Variants in CPT1A observed in about 807,000 individuals in gnomAD.
CPT1A encodes carnitine O-palmitoyltransferase 1, liver isoform.
CPT1A carries 64 observed loss-of-function variants against 100.8 expected under a neutral mutation model. That is an observed-to-expected ratio of 0.63 (90% CI 0.52 to 0.78). The LOEUF is 0.78. Ranked by LOEUF, CPT1A falls within the 30% of genes least tolerant of loss-of-function variation. The pLI is 0.00. For missense variants in CPT1A, 802 were observed against 1,034.1 expected, an observed-to-expected ratio of 0.78 and a Z score of 3.08; for synonymous variants, 363 against 396.0, an observed-to-expected ratio of 0.92 and a Z score of 0.99.
At chr11:68,821,702 A>C (rs765998755) in intron 1 of CPT1A, among the ~76,000 whole-genome samples, 2 of 152,126 alleles carry the variant, frequency 1.3e-5, no homozygotes, top group Non-Finnish European at 2.9e-5. Context: ...TTTTGTTATT[A>C]TTTAGGTTTT....
chr11:68,792,606 T>C (rs1855647832), intron 9 of CPT1A, among the ~76,000 whole-genome samples: 1 of 152,186 alleles, frequency 6.6e-6, no homozygotes, highest in African/African-American at 2.4e-5. Flanking sequence ...GTTTGGACGG[T>C]GGCTTACGTG....
chr11:68,774,482 G>A (rs1183151486), intron 13 of CPT1A, among the ~76,000 whole-genome samples: 1 of 151,560 alleles, frequency 6.6e-6, no homozygotes, highest in Non-Finnish European at 1.5e-5. Flanking sequence ...TCCCTCTGTT[G>A]CCCAGGCTGG....
chr11:68,776,626 C>T (rs1855147930), intron 12 of CPT1A, among the ~76,000 whole-genome samples: 1 of 152,134 alleles, frequency 6.6e-6, no homozygotes, highest in South Asian at 2.1e-4. Context: ...CGACTGTAAT[C>T]CTAGCACTTT....
intron 14 of CPT1A, among the ~76,000 whole-genome samples, chr11:68,764,973 C>G (rs10160686): frequency 0.028 from 4,309 of 152,246 alleles, 191 homozygotes; most frequent in African/African-American, 0.095. Context: ...GCCACCAACC[C>G]TGGTGGCATG....
At chr11:68,834,925 G>A (rs1364791728) in intron 1 of CPT1A, among the ~76,000 whole-genome samples, 1 of 151,872 alleles carries the variant, frequency 6.6e-6, no homozygotes, top group Non-Finnish European at 1.5e-5. Context: ...CTTGAACTGG[G>A]GAGGCGGAGG....
intron 1 of CPT1A, among the ~76,000 whole-genome samples, chr11:68,833,871 T>G (rs1347924086): frequency 2.0e-5 from 3 of 152,218 alleles, no homozygotes; most frequent in Non-Finnish European, 4.4e-5. Flanking sequence ...TTATTTTTTT[T>G]TTATAAGACA....
At chr11:68,843,789 T>C (rs535806195), upstream of CPT1A, among the ~76,000 whole-genome samples, 6 of 152,374 alleles carry the variant, frequency 3.9e-5, no homozygotes, top group South Asian at 1.2e-3. This position sits in a 1 kb window ranked among gnomAD's most constrained non-coding sequence, Gnocchi z 4.0. Flanking sequence ...CACACGTTCC[T>C]GACGCGCGGC....
Position 68,835,261 on chromosome 11 carries a change from C to A in CPT1A, c.-14+6514G>T, listed in dbSNP as rs78094385. On this transcript the variant is annotated intron_variant, in intron 1 of 18. Transcript: ENST00000265641. ...CCTGCCTCTAGCCAGCATCGGCACTCGGGCAGGAGCTCAGACTGCAAGGAG... is the reference window on the plus strand; with the variant it reads ...CCTGCCTCTAGCCAGCATCGGCACTAGGGCAGGAGCTCAGACTGCAAGGAG... Among the ~76,000 whole-genome samples the A allele has an allele frequency of 2.2e-3, 337 of 152,290 alleles. 1 individual carries two copies. The highest frequency in any genetic ancestry group is 7.8e-3 in the African/African-American group (325 of 41,578).
chr11:68,799,132 A>G lies in CPT1A; in HGVS notation c.693+86T>C, dbSNP rs182391201. ...GTGATTTTGGCTAATCCAAACTGTC[A>G]TTTCAGCCCTGTTATCCCTGCCCCT... On this transcript the variant is annotated intron_variant, in intron 6 of 18. Coordinates refer to ENST00000265641, the MANE Select transcript of CPT1A (RefSeq NM_001876.4). 5.3e-4 allele frequency: 693 copies of G among 1,297,912 alleles called. 3 individuals are homozygous for G. The Admixed American group carries it at 6.2e-3, about 12-fold the overall frequency. The allele number at this position is 1,297,912 out of a possible 1,614,324, so 80.4% of individuals were successfully genotyped here.
intron 2 of CPT1A, among the ~76,000 whole-genome samples, chr11:68,813,909 C>A (rs1382782005): frequency 6.6e-6 from 1 of 152,150 alleles, no homozygotes; most frequent in Non-Finnish European, 1.5e-5. Flanking sequence ...ACAGGCTGAG[C>A]CCCAGGGACA....
At chr11:68,759,442 T>G in intron 18 of CPT1A, 127 bp downstream of exon 18, 1 of 722,958 alleles carries the variant, frequency 1.4e-6, no homozygotes, top group East Asian at 2.7e-5. Context: ...TATGTGAAAA[T>G]TCCCGAAATC....
chr11:68,757,190 TG>T lies in CPT1A; in HGVS notation c.*453del. 3.5e-6 allele frequency: 2 copies of T among 577,234 alleles called. No homozygotes were observed. The highest frequency in any genetic ancestry group is 4.6e-6 in the Non-Finnish European group (2 of 435,072). The allele number at this position is 577,234 out of a possible 1,614,324, so 35.8% of individuals were successfully genotyped here. ...GCATTCCAGATGTGTTAGCTACAAC[TG>T]GGGACACCAACTTGAATAACACATT... On this transcript the variant is annotated 3_prime_UTR_variant, in exon 19 of 19. Coordinates refer to ENST00000265641, the MANE Select transcript of CPT1A (RefSeq NM_001876.4).
At chr11:68,805,382 C>T (rs1024083096) in intron 4 of CPT1A, among the ~76,000 whole-genome samples, 2 of 150,940 alleles carry the variant, frequency 1.3e-5, no homozygotes, top group East Asian at 1.9e-4. Context: ...GCCCGGGAGG[C>T]GGAGGTTGTA....
At chr11:68,774,036 G>A (rs905039285) in intron 13 of CPT1A, 3 of 159,978 alleles carry the variant, frequency 1.9e-5, no homozygotes, top group Non-Finnish European at 4.2e-5. Flanking sequence ...CACAACAAGG[G>A]AGGAATTGGG....
chr11:68,812,305 T>C (rs1265105356), intron 3 of CPT1A, 132 bp downstream of exon 3: 3 of 1,302,988 alleles, frequency 2.3e-6, no homozygotes, highest in Admixed American at 3.4e-5. Context: ...GGAAGAAAGC[T>C]GACGTGAGAA....
intron 17 of CPT1A, among the ~76,000 whole-genome samples, chr11:68,759,878 C>T (rs1267489742): frequency 6.6e-6 from 1 of 151,244 alleles, no homozygotes; most frequent in East Asian, 1.9e-4. Context: ...AAAATACACA[C>T]ACACACACAA....
intron 9 of CPT1A, among the ~76,000 whole-genome samples, chr11:68,787,507 C>T (rs1180679378): frequency 6.6e-6 from 1 of 151,864 alleles, no homozygotes; most frequent in Non-Finnish European, 1.5e-5. Flanking sequence ...TACCCCAGGG[C>T]ACAGGCTGAA....
rs1857151934 is a variant in CPT1A, at chr11:68,841,219, G to A, written c.-14+556C>T. 1.3e-5 allele frequency among the ~76,000 whole-genome samples: 2 copies of A among 152,090 alleles called. No homozygotes were observed. The highest frequency in any genetic ancestry group is 4.8e-5 in the African/African-American group (2 of 41,432). On this transcript the variant is annotated intron_variant, in intron 1 of 18. Transcript: ENST00000265641. This position sits in a 1 kb window ranked among gnomAD's most constrained non-coding sequence, Gnocchi z 6.3. ...CCTGCCCGTAGGTGACCAACCCACG[G>A]GCGGACCCCCAGACCCAATCCTCTC...
intron 1 of CPT1A, chr11:68,839,576 G>A: frequency 3.0e-6 from 3 of 985,516 alleles, no homozygotes; most frequent in Non-Finnish European, 3.6e-6. Context: ...GTCGAGCCCT[G>A]CGGTGCCCAG....
Sources: gnomAD v4.1 joint callset for allele counts (sites outside exome capture counted in the v4.1 genomes callset) on GRCh38, gnomAD v4.1.1 for gene constraint, Gnocchi (gnomAD v3.1) non-coding constraint, MANE v1.5 for transcripts, NCBI Gene and HGNC (gene_info 2026-07-23, HGNC 2026-07-21) for gene names.